Variants in DLGAP2 observed in about 807,000 individuals in gnomAD.
DLGAP2 encodes the protein disks large-associated protein 2.
DLGAP2 carries 26 observed loss-of-function variants against 100.3 expected under a neutral mutation model. The observed-to-expected ratio is 0.26, with a 90% CI of 0.19 to 0.36. The LOEUF (loss-of-function observed/expected upper bound fraction) is 0.36, where lower values mean the gene tolerates loss of function less well. Among genes scored for constraint, DLGAP2 ranks in the 10% least tolerant of loss-of-function variants. The pLI, the probability that DLGAP2 is intolerant of heterozygous loss-of-function variation, is 1.00. For synonymous variants in DLGAP2, 886 were observed against 630.1 expected (o/e 1.41, Z -6.08); for missense variants, 1,858 against 1,453.2 (o/e 1.28, Z -4.53).
intron 2 of DLGAP2, among the ~76,000 whole-genome samples, chr8:909,041 A>T (rs1798434350): frequency 6.6e-6 from 1 of 152,202 alleles, no homozygotes; most frequent in African/African-American, 2.4e-5. Flanking sequence ...AGAAAAATAC[A>T]ATCTTTATTA....
intron 8 of DLGAP2, among the ~76,000 whole-genome samples, chr8:1,664,930 C>G (rs930923399): frequency 6.6e-6 from 1 of 152,174 alleles, no homozygotes; most frequent in African/African-American, 2.4e-5. Flanking sequence ...ACTGTGTGTG[C>G]CCTGCCAGGT....
At chr8:1,647,912 G>C (rs1279792000) in intron 8 of DLGAP2, among the ~76,000 whole-genome samples, 4 of 152,218 alleles carry the variant, frequency 2.6e-5, no homozygotes, top group African/African-American at 9.6e-5. Context: ...GGTGGAAAAA[G>C]CGTAAGGAAG....
Position 1,668,366 on chromosome 8 carries a change from G to T in DLGAP2, c.1848G>T (p.Pro616=). Residue 616 remains proline (P), a synonymous_variant, in exon 9 of 15, where the codon CCG becomes CCT. Coordinates refer to ENST00000637795, the MANE Select transcript of DLGAP2 (RefSeq NM_001346810.2). ...CAAATTACAAGAAAACGCCCCCACC[G>T]GTGCCCCCTCGGACCACCTCCAAGC... ...SYTNYKKTPP[P]VPPRTTSKPL... 6.4e-7 allele frequency: 1 copy of T among 1,556,102 alleles called. No individual in the cohort carries two copies.
intron 6 of DLGAP2, among the ~76,000 whole-genome samples, chr8:1,586,550 G>C (rs914642808): frequency 1.3e-5 from 2 of 152,158 alleles, no homozygotes; most frequent in Admixed American, 6.5e-5. Context: ...GGGTCTGCTG[G>C]TTAGCAACCT....
intron 1 of DLGAP2, among the ~76,000 whole-genome samples, chr8:768,170 C>T (rs558480813): frequency 6.6e-6 from 1 of 152,188 alleles, no homozygotes; most frequent in African/African-American, 2.4e-5. Flanking sequence ...CAAGCTGGAG[C>T]CCGTTCACTG....
In DLGAP2 at chr8:1,565,838, C is replaced by T. The variant is rs1802375896; in HGVS notation, c.1386C>T (p.Ile462=). Reference sequence around the variant, plus strand: ...CCAAGACATCACCAAAGTCGGCAATCCTACCAGAGCCGCTGCTGAAGTCCA... The same window carrying T: ...CCAAGACATCACCAAAGTCGGCAATTCTACCAGAGCCGCTGCTGAAGTCCA... ...SSPKTSPKSA[I]LPEPLLKSIG... is the part of the protein sequence containing the mutation. The change falls in exon 6 of 15, where the codon ATC becomes ATT. Residue 462 remains isoleucine (I), a synonymous_variant. Transcript: ENST00000637795. 1.9e-6 allele frequency: 3 copies of T among 1,613,238 alleles called. No homozygotes were observed. Among genetic ancestry groups the T allele is most frequent in the African/African-American group, 1.3e-5 (1 of 74,884 alleles).
At chr8:1,168,407 G>T (rs948397846) in intron 2 of DLGAP2, among the ~76,000 whole-genome samples, 1 of 151,780 alleles carries the variant, frequency 6.6e-6, no homozygotes. Flanking sequence ...GTAATGGGAT[G>T]GCTGGGTCAA....
intron 1 of DLGAP2, among the ~76,000 whole-genome samples, chr8:812,157 G>A (rs1429193253): frequency 1.3e-5 from 2 of 152,228 alleles, no homozygotes; most frequent in South Asian, 4.1e-4. Flanking sequence ...AATTGCAGGG[G>A]CTGGTGAGTC....
intron 10 of DLGAP2, 87 bp downstream of exon 10, chr8:1,669,871 C>T (rs907037217): frequency 2.6e-6 from 2 of 769,700 alleles, no homozygotes; most frequent in African/African-American, 1.7e-5. Flanking sequence ...CCGCTCTTGT[C>T]GCCTCTGTCC....
chr8:1,671,229 C>T lies in DLGAP2; in HGVS notation c.2202+1445C>T, dbSNP rs146182045. Among the ~76,000 whole-genome samples, 484 of 152,302 alleles carry T rather than the reference C, an allele frequency of 3.2e-3. 3 individuals carry two copies. Among genetic ancestry groups the T allele is most frequent in the African/African-American group, 0.011 (466 of 41,564 alleles). On this transcript the variant is annotated intron_variant, in intron 10 of 14. Transcript: ENST00000637795. ...AGAGGAGAAAATCCCAGAATGATTC[C>T]GTGCCCTCAGGAGCCTGCCCTGGTT...
intron 3 of DLGAP2, among the ~76,000 whole-genome samples, chr8:1,289,495 G>C (rs573307181): frequency 6.6e-6 from 1 of 152,202 alleles, no homozygotes; most frequent in Non-Finnish European, 1.5e-5. Context: ...GTATCAGTAA[G>C]ACTCACGTGC....
At chr8:1,040,808 G>A (rs1469642738) in intron 2 of DLGAP2, among the ~76,000 whole-genome samples, 4 of 152,208 alleles carry the variant, frequency 2.6e-5, no homozygotes, top group African/African-American at 9.6e-5. Flanking sequence ...GGAGCGCAGA[G>A]TCGTGGCCCC....
chr8:868,896 G>A (rs1168328513), intron 1 of DLGAP2, among the ~76,000 whole-genome samples: 4 of 152,236 alleles, frequency 2.6e-5, no homozygotes, highest in Admixed American at 6.5e-5. Context: ...CAGTCATTGT[G>A]TCTCCTGGTG....
intron 1 of DLGAP2, among the ~76,000 whole-genome samples, chr8:855,723 C>T (rs1029536934): frequency 1.3e-5 from 2 of 152,106 alleles, no homozygotes; most frequent in South Asian, 4.2e-4. Flanking sequence ...GAAGCTTTAC[C>T]CTAGCTATGC....
intron 2 of DLGAP2, among the ~76,000 whole-genome samples, chr8:1,156,183 GCT>G (rs1256906577): frequency 6.6e-6 from 1 of 152,160 alleles, no homozygotes; most frequent in African/African-American, 2.4e-5. Context: ...CGGGGCTGCA[GCT>G]CTCAGACCCT....
intron 1 of DLGAP2, among the ~76,000 whole-genome samples, chr8:892,367 T>A (rs948834698): frequency 2.0e-5 from 3 of 151,962 alleles, no homozygotes; most frequent in Non-Finnish European, 4.4e-5. Flanking sequence ...TGAGTCAGCC[T>A]CAAAGAGGAA....
chr8:883,427 G>C (rs1419044880), intron 1 of DLGAP2: 1 of 151,880 alleles, frequency 6.6e-6, no homozygotes, highest in East Asian at 1.9e-4. Context: ...TAGAAATTTA[G>C]AATAATGATC....
chr8:999,815 C>T (rs1800892401), intron 2 of DLGAP2, among the ~76,000 whole-genome samples: 1 of 152,232 alleles, frequency 6.6e-6, no homozygotes, highest in Non-Finnish European at 1.5e-5. Context: ...AGTTCCTTTC[C>T]TGTGCAATTT....
chr8:744,487 C>G (rs972946348), intron 1 of DLGAP2, among the ~76,000 whole-genome samples: 1 of 152,090 alleles, frequency 6.6e-6, no homozygotes, highest in African/African-American at 2.4e-5. Context: ...CCCTCTTCTC[C>G]GGCCACGTCG....
Sources: allele counts gnomAD v4.1 joint callset (sites outside exome capture counted in the v4.1 genomes callset), GRCh38; gene constraint gnomAD v4.1.1; transcripts MANE v1.5; gene names NCBI Gene and HGNC (gene_info 2026-07-23, HGNC 2026-07-21).